The following TBXAS1 variants were observed in gnomAD, a reference collection of about 807,000 sequenced individuals.
TBXAS1 encodes the protein thromboxane A synthase 1.
A neutral mutation model predicts 60.7 loss-of-function variants in TBXAS1; 48 were observed. That is an observed-to-expected ratio of 0.79 (90% confidence interval 0.63 to 1.01). The LOEUF is 1.01. Ranked by LOEUF, TBXAS1 falls within the 50% of genes least tolerant of loss-of-function variation. TBXAS1 has a pLI of 0.00. For missense variants in TBXAS1, 685 were observed against 686.3 expected (o/e 1.00, Z 0.02); for synonymous variants, 287 against 269.7 (o/e 1.06, Z -0.63).
intron 4 of TBXAS1, among the ~76,000 whole-genome samples, chr7:139,805,757 GTCTT>G (rs1315062795): frequency 1.2e-5 from 1 of 84,700 alleles, no homozygotes; most frequent in Non-Finnish European, 2.4e-5. Flanking sequence ...TTTCTTTCTT[GTCTT>G]TCTTTCTTTC....
At chr7:139,988,265 A>G (rs1445516145) in intron 9 of TBXAS1, among the ~76,000 whole-genome samples, 3 of 152,256 alleles carry the variant, frequency 2.0e-5, no homozygotes, top group Non-Finnish European at 4.4e-5. Flanking sequence ...CCCTGAGGCC[A>G]TCACCTCTGG....
At chr7:139,796,948 T>C (rs1797586988) in intron 4 of TBXAS1, among the ~76,000 whole-genome samples, 1 of 152,244 alleles carries the variant, frequency 6.6e-6, no homozygotes, top group Admixed American at 6.5e-5. Context: ...TAAGCTCAGT[T>C]AAACTTGCGC....
chr7:139,778,630 C>T lies in TBXAS1; in HGVS notation c.-318+159C>T, dbSNP rs755191120. Among the ~76,000 whole-genome samples, 1 of 152,142 alleles carries T rather than the reference C, an allele frequency of 6.6e-6. No individual in the cohort carries two copies. The highest frequency in any genetic ancestry group is 1.5e-5 in the Non-Finnish European group (1 of 68,024). On this transcript the variant is annotated intron_variant, in intron 1 of 16. Transcript: ENST00000336425. This position sits in a 1 kb window ranked among gnomAD's most constrained non-coding sequence, Gnocchi z 4.8. ...AGCCCCCGGGGTGGTCGCTGGGTTC[C>T]TGCCGGAGTCTGGCTTCCACGCCAC...
Position 139,865,833 on chromosome 7 carries a change from GGGGA to G in TBXAS1, c.90-6401_90-6398del, listed in dbSNP as rs1453661084. On this transcript the variant is annotated intron_variant, in intron 1 of 12. Transcript: ENST00000448866. ...GAAGGAAGGGAGGGAGGGAGGGAGG[GGGGA>G]AAGGAAGAAGGAAGGAGGGAGGGAG... 1.3e-3 allele frequency among the ~76,000 whole-genome samples: 133 copies of G among 100,368 alleles called. 1 individual carries two copies. The highest frequency in any genetic ancestry group is 2.8e-3 in the South Asian group (6 of 2,168). The allele number at this position is 100,368 out of a possible 152,430, so 65.8% of individuals were successfully genotyped here. A position where few individuals can be genotyped will look rare whatever the true frequency, so the allele number is the denominator to read the frequency against.
chr7:140,006,471 A>G (rs1397393018), intron 9 of TBXAS1, among the ~76,000 whole-genome samples: 1 of 152,170 alleles, frequency 6.6e-6, no homozygotes, highest in Non-Finnish European at 1.5e-5. Context: ...TCTCATTGGA[A>G]CTTGCATTTT....
rs1388851564 is a variant in TBXAS1, at chr7:139,794,843, C to T, written c.-80+7417C>T. 3.1e-3 allele frequency among the ~76,000 whole-genome samples: 475 copies of T among 151,040 alleles called. 1 individual carries two copies. Among genetic ancestry groups the T allele is most frequent in the Admixed American group, 5.9e-3 (90 of 15,164 alleles). The stretch of plus-strand genomic sequence containing the variant: ...TCCATGTCCCTACAAAGGACATGAA[C>T]TCATCATTTTTTATGGCTGCATAGT... On this transcript the variant is annotated intron_variant, in intron 4 of 16. Transcript: ENST00000336425.
At chr7:139,904,233 T>C (rs1307967575) in intron 3 of TBXAS1, among the ~76,000 whole-genome samples, 4 of 152,074 alleles carry the variant, frequency 2.6e-5, no homozygotes, top group African/African-American at 9.7e-5. Context: ...TTTTGTTTGC[T>C]TTGTCGAAGA....
intron 1 of TBXAS1, among the ~76,000 whole-genome samples, chr7:139,853,021 C>T (rs114608252): frequency 9.2e-5 from 14 of 151,872 alleles, no homozygotes; most frequent in African/African-American, 1.7e-4. Context: ...GTCTGCTCTG[C>T]ACAAGCCAGG....
At chr7:139,801,066 G>A (rs1474631202) in intron 4 of TBXAS1, among the ~76,000 whole-genome samples, 1 of 152,144 alleles carries the variant, frequency 6.6e-6, no homozygotes, top group African/African-American at 2.4e-5. Flanking sequence ...ATTTTACTAG[G>A]GATGACATTA....
rs773403558 is a variant in TBXAS1 at position 140,007,193 on chromosome 7, GC to G, written c.1226+16del. The G allele has an allele frequency of 1.4e-5, 22 of 1,613,630 alleles. No individual in the cohort carries two copies. In the East Asian group the frequency reaches 4.5e-4, roughly 33 times the overall value. ...CCCGCCAGCTTTCAGGTGTGTGGTAGCCCCCTCCCCTGCCCGAGTCCCCACC... is the reference window on the plus strand; with the variant it reads ...CCCGCCAGCTTTCAGGTGTGTGGTAGCCCCTCCCCTGCCCGAGTCCCCACC... On this transcript the variant is annotated intron_variant, in intron 10 of 12. Coordinates refer to ENST00000448866, the MANE Select transcript of TBXAS1 (RefSeq NM_001061.7).
chr7:139,856,268 G>T (rs188703022), intron 1 of TBXAS1, among the ~76,000 whole-genome samples: 1 of 152,300 alleles, frequency 6.6e-6, no homozygotes, highest in Non-Finnish European at 1.5e-5. Context: ...TTGTGGCAAT[G>T]CTCCTGCTAA....
At chr7:139,948,886 G>T (rs1808969850) in intron 5 of TBXAS1, among the ~76,000 whole-genome samples, 1 of 152,222 alleles carries the variant, frequency 6.6e-6, no homozygotes. Flanking sequence ...AAGAAAACCT[G>T]AAATGATGGC....
intron 3 of TBXAS1, among the ~76,000 whole-genome samples, chr7:139,908,630 A>G (rs759510476): frequency 6.6e-5 from 10 of 152,194 alleles, no homozygotes; most frequent in Non-Finnish European, 1.0e-4. Context: ...TTTAAAATAT[A>G]ATTGTCTTAA....
intron 1 of TBXAS1, among the ~76,000 whole-genome samples, chr7:139,853,931 A>G (rs1452095101): frequency 6.6e-6 from 1 of 152,094 alleles, no homozygotes; most frequent in African/African-American, 2.4e-5. Context: ...AAACATCTCC[A>G]TGTGCCCAGG....
At chr7:139,995,557 T>C (rs375660484) in intron 9 of TBXAS1, among the ~76,000 whole-genome samples, 40 of 152,252 alleles carry the variant, frequency 2.6e-4, no homozygotes, top group African/African-American at 9.1e-4. Context: ...CTCGTGTGGC[T>C]CTCCTGTTGA....
At chr7:140,017,932 C>A in intron 12 of TBXAS1, 99 bp downstream of exon 12, 1 of 1,552,620 alleles carries the variant, frequency 6.4e-7, no homozygotes, top group Non-Finnish European at 8.9e-7. Flanking sequence ...CAACATCAGG[C>A]TCTGCCTCCG....
chr7:139,794,094 CT>C (rs556151113), intron 4 of TBXAS1, among the ~76,000 whole-genome samples: 172 of 142,164 alleles, frequency 1.2e-3, no homozygotes, highest in Non-Finnish European at 1.1e-3. Context: ...AAGACACTTT[CT>C]TTTTTTTTTT....
chr7:139,870,060 G>A (rs1160050140), intron 1 of TBXAS1, among the ~76,000 whole-genome samples: 1 of 152,182 alleles, frequency 6.6e-6, no homozygotes, highest in African/African-American at 2.4e-5. Context: ...AGATGCTCAA[G>A]TTCCAGATTT....
In TBXAS1 at chr7:139,852,489, C is replaced by T. The variant is rs1800287483; in HGVS notation, c.90-19746C>T. 6.6e-6 allele frequency among the ~76,000 whole-genome samples: 1 copy of T among 152,200 alleles called. No homozygotes were observed. The highest frequency in any genetic ancestry group is 6.5e-5 in the Admixed American group (1 of 15,290). The stretch of plus-strand genomic sequence containing the variant: ...AGGGCTCTTGGACTAGAACTCTTGC[C>T]TTTTGACTTTGTCCTGTACAATTTC... On this transcript the variant is annotated intron_variant, in intron 1 of 12. Coordinates refer to ENST00000448866, the MANE Select transcript of TBXAS1 (RefSeq NM_001061.7). The surrounding 1 kb of genome is among the most constrained non-coding windows in gnomAD (Gnocchi z 4.4).
Sources: gnomAD v4.1 joint callset for allele counts (sites outside exome capture counted in the v4.1 genomes callset) on GRCh38, gnomAD v4.1.1 for gene constraint, Gnocchi (gnomAD v3.1) non-coding constraint, MANE v1.5 for transcripts, NCBI Gene and HGNC (gene_info 2026-07-23, HGNC 2026-07-21) for gene names.